The following RELN variants were observed in gnomAD, a reference collection of about 807,000 sequenced individuals.
RELN encodes reelin.
Under a neutral mutation model 427.6 loss-of-function variants are expected in RELN, and 108 were observed. That is an observed-to-expected ratio of 0.25 (90% CI 0.22 to 0.30). The LOEUF (loss-of-function observed/expected upper bound fraction) is 0.30. Among genes scored for constraint, RELN ranks in the 10% least tolerant of loss-of-function variants. The pLI, the probability that RELN is intolerant of heterozygous loss-of-function variation, is 1.00. For synonymous variants in RELN, 1,524 were observed against 1,513.4 expected (o/e 1.01, Z -0.16); for missense variants, 3,715 against 4,302.8 (o/e 0.86, Z 3.82).
chr7:103,576,792 T>C (rs948415993), intron 28 of RELN, among the ~76,000 whole-genome samples: 5 of 152,188 alleles, frequency 3.3e-5, no homozygotes, highest in Non-Finnish European at 5.9e-5. Flanking sequence ...AAGGACCTAG[T>C]CCCAGTACTT....
At chr7:103,937,937 C>T (rs1025110151) in intron 1 of RELN, among the ~76,000 whole-genome samples, 1 of 152,188 alleles carries the variant, frequency 6.6e-6, no homozygotes, top group Non-Finnish European at 1.5e-5. Flanking sequence ...ACAGATCTTT[C>T]ACCCCATCCC....
intron 2 of RELN, among the ~76,000 whole-genome samples, chr7:103,854,680 T>C (rs918124442): frequency 6.6e-6 from 1 of 152,238 alleles, no homozygotes; most frequent in Non-Finnish European, 1.5e-5. Context: ...ATAACAGTGA[T>C]GGGAATAAGA....
chr7:103,640,419 A>G lies in RELN; in HGVS notation c.2069+124T>C. On this transcript the variant is annotated intron_variant, in intron 17 of 64. Transcript: ENST00000428762. The surrounding 1 kb of genome is among the most constrained non-coding windows in gnomAD (Gnocchi z 4.1). Reference sequence around the variant, plus strand: ...GAATTACACTTAAGTTCTAATAGAAATATCCAACTTTTTGTCTTAAAAAGA... The same window carrying G: ...GAATTACACTTAAGTTCTAATAGAAGTATCCAACTTTTTGTCTTAAAAAGA... 1 of 896,464 alleles carries G rather than the reference A, an allele frequency of 1.1e-6. No homozygotes were observed. The highest frequency in any genetic ancestry group is 1.8e-6 in the Non-Finnish European group (1 of 553,404). 55.5% of individuals were successfully genotyped at this position (896,464 alleles called of 1,614,324 possible).
chr7:103,788,057 C>T (rs1397791754), intron 3 of RELN, among the ~76,000 whole-genome samples: 4 of 152,160 alleles, frequency 2.6e-5, no homozygotes. Context: ...CGTAATCCAT[C>T]ACATAAACAG....
At chr7:103,736,059 A>T (rs1190876256) in intron 6 of RELN, among the ~76,000 whole-genome samples, 1 of 152,246 alleles carries the variant, frequency 6.6e-6, no homozygotes, top group Non-Finnish European at 1.5e-5. Flanking sequence ...TGCTAAGAAG[A>T]ATCTGAGGTG....
intron 2 of RELN, among the ~76,000 whole-genome samples, chr7:103,883,732 T>G (rs529993242): frequency 6.6e-6 from 1 of 152,208 alleles, no homozygotes; most frequent in Non-Finnish European, 1.5e-5. Flanking sequence ...ACATGGGACA[T>G]GAAGGACCTT....
intron 1 of RELN, among the ~76,000 whole-genome samples, chr7:103,937,328 T>C (rs943570537): frequency 2.6e-5 from 4 of 152,268 alleles, no homozygotes; most frequent in Admixed American, 1.3e-4. Flanking sequence ...CCAATGTGTC[T>C]CACAGACATG....
chr7:103,738,656 TTTCC>T (rs1250827960), intron 6 of RELN, among the ~76,000 whole-genome samples: 12 of 150,172 alleles, frequency 8.0e-5, no homozygotes, highest in South Asian at 2.1e-4. Context: ...GTCTGGCATC[TTTCC>T]TTCCTTCCTT....
At chr7:103,823,205 T>C (rs1004959764) in intron 3 of RELN, among the ~76,000 whole-genome samples, 2 of 150,704 alleles carry the variant, frequency 1.3e-5, no homozygotes, top group Admixed American at 6.7e-5. Context: ...ATCTCTGTAC[T>C]TTCAATGTTT....
At chr7:103,957,840 T>C (rs555795551) in intron 1 of RELN, among the ~76,000 whole-genome samples, 7 of 152,296 alleles carry the variant, frequency 4.6e-5, no homozygotes, top group African/African-American at 1.7e-4. Flanking sequence ...AAAATCCTCA[T>C]GAAGGCAAAG....
At chr7:103,488,149 C>CAA (rs11324464) in intron 60 of RELN, among the ~76,000 whole-genome samples, 2 of 142,686 alleles carry the variant, frequency 1.4e-5, no homozygotes, top group Non-Finnish European at 3.1e-5. Flanking sequence ...AACTCCGTCT[C>CAA]AAAAAAAAAA....
rs183599061 is a variant in RELN at position 103,773,735 on chromosome 7, G to T, written c.544+2822C>A. ...TCTGCTTGCCTCAGCCTCCCAAAGT[G>T]CTGGGATTACAGGCATGACCCACTG... On this transcript the variant is annotated intron_variant, in intron 4 of 64. Transcript: ENST00000428762. Among the ~76,000 whole-genome samples, 98 of 152,066 alleles carry T rather than the reference G, an allele frequency of 6.4e-4. 1 individual carries two copies. The highest frequency in any genetic ancestry group is 2.2e-3 in the African/African-American group (92 of 41,508).
chr7:103,599,926 G>A (rs527366252), intron 24 of RELN, among the ~76,000 whole-genome samples: 4 of 152,214 alleles, frequency 2.6e-5, no homozygotes, highest in South Asian at 2.1e-4. Flanking sequence ...AGACAGGGTC[G>A]TCCTCTGTCG....
chr7:103,692,320 G>A (rs1221064569), intron 10 of RELN, among the ~76,000 whole-genome samples: 1 of 152,080 alleles, frequency 6.6e-6, no homozygotes, highest in African/African-American at 2.4e-5. Flanking sequence ...CCCCAGCTTT[G>A]GTGAAGAGTG....
intron 10 of RELN, among the ~76,000 whole-genome samples, chr7:103,696,636 G>A (rs543763387): frequency 2.0e-5 from 3 of 152,034 alleles, no homozygotes; most frequent in African/African-American, 7.2e-5. Context: ...CTATAAATCT[G>A]AAATAGCCAC....
At chr7:103,672,705 T>C (rs1273268746) in intron 11 of RELN, among the ~76,000 whole-genome samples, 1 of 152,162 alleles carries the variant, frequency 6.6e-6, no homozygotes, top group Non-Finnish European at 1.5e-5. Flanking sequence ...CACTGGCTAT[T>C]TAACTTTGTG....
chr7:103,472,556 C>T lies in RELN; in HGVS notation c.*256G>A. 5 of 449,176 alleles carry T rather than the reference C, an allele frequency of 1.1e-5. No individual in the cohort carries two copies. Among genetic ancestry groups the T allele is most frequent in the South Asian group, 1.0e-4 (4 of 39,654 alleles). 27.8% of individuals were successfully genotyped at this position (449,176 alleles called of 1,614,324 possible). Reference sequence around the variant, plus strand: ...AACTGTTTCTTATTGTCAATACTGCCACTGTAACTGATATTACAACAGATC... The same window carrying T: ...AACTGTTTCTTATTGTCAATACTGCTACTGTAACTGATATTACAACAGATC... On this transcript the variant is annotated 3_prime_UTR_variant, in exon 65 of 65. Transcript: ENST00000428762.
intron 6 of RELN, among the ~76,000 whole-genome samples, chr7:103,747,311 C>G (rs531632640): frequency 4.6e-5 from 7 of 151,696 alleles, no homozygotes; most frequent in Admixed American, 4.6e-4. Context: ...ATATCTAATG[C>G]TAAATGACAA....
intron 20 of RELN, among the ~76,000 whole-genome samples, chr7:103,619,067 C>T (rs1165121514): frequency 6.6e-6 from 1 of 151,936 alleles, no homozygotes; most frequent in East Asian, 1.9e-4. Context: ...TGAGATTGCG[C>T]CACTGCACTC....
Sources: gnomAD v4.1 joint callset for allele counts (sites outside exome capture counted in the v4.1 genomes callset) on GRCh38, gnomAD v4.1.1 for gene constraint, Gnocchi (gnomAD v3.1) non-coding constraint, MANE v1.5 for transcripts, NCBI Gene and HGNC (gene_info 2026-07-23, HGNC 2026-07-21) for gene names.